PPM1E: variants seen among roughly 807,000 people sequenced by gnomAD.
The protein encoded by PPM1E is protein phosphatase 1E.
A neutral mutation model predicts 65.9 loss-of-function variants in PPM1E; 20 were observed. That is an observed-to-expected ratio of 0.30 (90% CI 0.21 to 0.44). The LOEUF (loss-of-function observed/expected upper bound fraction) is 0.44. PPM1E is among the 20% of genes least tolerant of loss of function. PPM1E has a pLI of 1.00. For synonymous variants in PPM1E, 352 were observed against 374.9 expected (o/e 0.94, Z 0.70); for missense variants, 713 against 953.1 (o/e 0.75, Z 3.32).
chr17:58,843,287 C>T (rs539825424), intron 1 of PPM1E, among the ~76,000 whole-genome samples: 41 of 145,380 alleles, frequency 2.8e-4, no homozygotes, highest in Admixed American at 3.5e-4. Flanking sequence ...GATTGCACCA[C>T]GGCACTCCAG....
chr17:58,955,809 C>T (rs73993824), intron 2 of PPM1E, 42 bp downstream of exon 2: 2 of 1,547,854 alleles, frequency 1.3e-6, no homozygotes, highest in South Asian at 1.2e-5. Flanking sequence ...ATACTAGAAT[C>T]TTCTATATGT....
chr17:58,923,711 C>T (rs963983777), intron 1 of PPM1E, among the ~76,000 whole-genome samples: 12 of 146,860 alleles, frequency 8.2e-5, no homozygotes, highest in African/African-American at 3.0e-4. Flanking sequence ...CGCACTACTG[C>T]ACTCCAGCCT....
chr17:58,778,430 C>T (rs567960847), intron 1 of PPM1E, among the ~76,000 whole-genome samples: 3 of 109,966 alleles, frequency 2.7e-5, no homozygotes, highest in African/African-American at 6.9e-5. Flanking sequence ...TTTTTTGAGA[C>T]GGAGTCTTGC....
At chr17:58,826,791 A>C (rs62083372) in intron 1 of PPM1E, among the ~76,000 whole-genome samples, 1 of 151,558 alleles carries the variant, frequency 6.6e-6, no homozygotes. Context: ...TCACCTGGCT[A>C]ATTTTTTTTT....
chr17:58,781,056 G>A (rs1016423558), intron 1 of PPM1E, among the ~76,000 whole-genome samples: 1 of 151,874 alleles, frequency 6.6e-6, no homozygotes, highest in Non-Finnish European at 1.5e-5. Context: ...GTTGGCTAAG[G>A]CATGAATATA....
chr17:58,781,989 C>T (rs1219637414), intron 1 of PPM1E, among the ~76,000 whole-genome samples: 1 of 151,148 alleles, frequency 6.6e-6, no homozygotes, highest in African/African-American at 2.4e-5. Flanking sequence ...AGTTTTTTTT[C>T]CAACAAAAAA....
chr17:58,761,522 A>G (rs1308543219), intron 1 of PPM1E, among the ~76,000 whole-genome samples: 1 of 152,234 alleles, frequency 6.6e-6, no homozygotes, highest in Non-Finnish European at 1.5e-5. Context: ...CTTCAGCTAT[A>G]TTAAACTAAT....
intron 1 of PPM1E, among the ~76,000 whole-genome samples, chr17:58,820,693 T>C (rs2050470978): frequency 6.6e-6 from 1 of 152,332 alleles, no homozygotes; most frequent in African/African-American, 2.4e-5. Flanking sequence ...TATTTCATTA[T>C]AGGGTCCAAA....
In PPM1E at chr17:58,947,153, T is replaced by A. The variant is rs543991255; in HGVS notation, c.465-8496T>A. Among the ~76,000 whole-genome samples, 5 of 142,586 alleles carry A rather than the reference T, an allele frequency of 3.5e-5. No individual in the cohort carries two copies. In the East Asian group the frequency reaches 1.1e-3, roughly 31 times the overall value. 93.5% of individuals were successfully genotyped at this position (142,586 alleles called of 152,430 possible). A position where few individuals can be genotyped will look rare whatever the true frequency, so the allele number is the denominator to read the frequency against. ...TTTTTTTTTTTAGACAGTCTTGCTC[T>A]GTTGCCCAGGCTTGAGTGTGATCTG... On this transcript the variant is annotated intron_variant, in intron 1 of 6. Coordinates refer to ENST00000308249, the MANE Select transcript of PPM1E (RefSeq NM_014906.5).
chr17:58,841,839 C>G (rs1283836985), intron 1 of PPM1E, among the ~76,000 whole-genome samples: 1 of 152,136 alleles, frequency 6.6e-6, no homozygotes, highest in Non-Finnish European at 1.5e-5. Flanking sequence ...TCCTGAGTAG[C>G]TAGGACTACA....
chr17:58,867,542 A>G (rs924239320), intron 1 of PPM1E, among the ~76,000 whole-genome samples: 1 of 152,194 alleles, frequency 6.6e-6, no homozygotes, highest in Non-Finnish European at 1.5e-5. Context: ...GGTTTGGGAC[A>G]GGTTTTGATG....
intron 1 of PPM1E, among the ~76,000 whole-genome samples, chr17:58,910,186 G>GT (rs1334984403): frequency 3.3e-5 from 5 of 151,620 alleles, no homozygotes; most frequent in South Asian, 4.2e-4. Flanking sequence ...ATTCTGTTCT[G>GT]TTTTTTTCAG....
At chr17:58,955,813 T>C (rs1375941426) in intron 2 of PPM1E, 46 bp downstream of exon 2, 1 of 1,536,394 alleles carries the variant, frequency 6.5e-7, no homozygotes, top group Non-Finnish European at 8.7e-7. Flanking sequence ...TAGAATCTTC[T>C]ATATGTAGTG....
chr17:58,976,592 A>G (rs181667750), intron 6 of PPM1E, among the ~76,000 whole-genome samples: 1 of 152,328 alleles, frequency 6.6e-6, no homozygotes, highest in Non-Finnish European at 1.5e-5. Context: ...AAGTTGACAG[A>G]GGCATGATAT....
rs36067765 is a variant in PPM1E at position 58,766,606 on chromosome 17, T to TACACAC, written c.464+10167_464+10172dup. ...GTATATTGTACTATATGTGTGTGTA[T>TACACAC]ACACACACACACACACACACACACA... On this transcript the variant is annotated intron_variant, in intron 1 of 6. Transcript: ENST00000308249. Among the ~76,000 whole-genome samples the TACACAC allele has an allele frequency of 6.5e-5, 8 of 123,672 alleles. No homozygotes were observed. The East Asian group carries it at 1.8e-3, about 28-fold the overall frequency. The allele number at this position is 123,672 out of a possible 152,430, so 81.1% of individuals were successfully genotyped here.
At chr17:58,809,538 A>G (rs912688405) in intron 1 of PPM1E, among the ~76,000 whole-genome samples, 2 of 152,084 alleles carry the variant, frequency 1.3e-5, no homozygotes, top group Non-Finnish European at 2.9e-5. Flanking sequence ...CATGCTCCAC[A>G]AGGCTGGGCT....
intron 1 of PPM1E, among the ~76,000 whole-genome samples, chr17:58,827,484 C>G (rs2050550640): frequency 6.6e-6 from 1 of 151,902 alleles, no homozygotes; most frequent in Non-Finnish European, 1.5e-5. Context: ...TGATCTTATA[C>G]CAATGTTTTA....
rs1315013298 is a variant in PPM1E, at chr17:58,849,885, T to TA, written c.464+93427dup. 2.0e-5 allele frequency among the ~76,000 whole-genome samples: 3 copies of TA among 152,176 alleles called. No individual in the cohort carries two copies. The East Asian group carries it at 5.8e-4, about 29-fold the overall frequency. ...CTGTCTAATGTTGACAGTGGGGTGT[T>TA]AAAGTCTCTCATTATTGTGTGGGAG... On this transcript the variant is annotated intron_variant, in intron 1 of 6. Coordinates refer to ENST00000308249, the MANE Select transcript of PPM1E (RefSeq NM_014906.5).
chr17:58,820,043 A>AAAT (rs1567843380), intron 1 of PPM1E, among the ~76,000 whole-genome samples: 4 of 151,936 alleles, frequency 2.6e-5, no homozygotes, highest in African/African-American at 4.8e-5. Context: ...TTTCAAACAA[A>AAAT]AAATAAATAA....
Sources: gnomAD v4.1 joint callset for allele counts (sites outside exome capture counted in the v4.1 genomes callset) on GRCh38, gnomAD v4.1.1 for gene constraint, MANE v1.5 for transcripts, NCBI Gene and HGNC (gene_info 2026-07-23, HGNC 2026-07-21) for gene names.